The following CLNK variants were observed in gnomAD, a reference collection of about 807,000 sequenced individuals.
The protein encoded by CLNK is cytokine-dependent hematopoietic cell linker.
A neutral mutation model predicts 68.6 loss-of-function variants in CLNK; 74 were observed. The ratio of observed to expected loss-of-function variants is 1.08; its 90% CI spans 0.89 to 1.31. The LOEUF (loss-of-function observed/expected upper bound fraction) is 1.31. Among genes scored for constraint, CLNK ranks in the 50% most tolerant of loss-of-function variants. The pLI is 0.00. For synonymous variants in CLNK, 198 were observed against 172.2 expected (o/e 1.15, Z -1.17); for missense variants, 553 against 515.3 (o/e 1.07, Z -0.71).
At chr4:10,596,428 C>G (rs1402595619) in intron 3 of CLNK, among the ~76,000 whole-genome samples, 3 of 152,306 alleles carry the variant, frequency 2.0e-5, no homozygotes, top group African/African-American at 7.2e-5. Flanking sequence ...AATCCTGATT[C>G]AATGGACTCA....
At chr4:10,638,853 T>A (rs945798966) in intron 2 of CLNK, among the ~76,000 whole-genome samples, 1 of 152,160 alleles carries the variant, frequency 6.6e-6, no homozygotes, top group African/African-American at 2.4e-5. Context: ...GCTGTCTTAT[T>A]TCTGTGTTTT....
intron 2 of CLNK, among the ~76,000 whole-genome samples, chr4:10,649,750 C>T (rs541179013): frequency 2.7e-5 from 4 of 150,480 alleles, no homozygotes; most frequent in African/African-American, 7.4e-5. Flanking sequence ...GTAAGGAAGG[C>T]CTGTTTTAAT....
At chr4:10,513,173 A>G (rs544106458) in intron 16 of CLNK, among the ~76,000 whole-genome samples, 108 of 149,910 alleles carry the variant, frequency 7.2e-4, no homozygotes, top group Non-Finnish European at 1.4e-3. Flanking sequence ...TGGTAAATAT[A>G]AAACACGTGT....
chr4:10,562,003 A>T (rs1243112222), intron 7 of CLNK, among the ~76,000 whole-genome samples: 1 of 152,066 alleles, frequency 6.6e-6, no homozygotes, highest in East Asian at 1.9e-4. Context: ...CCTCATGGAG[A>T]TGTCCTCTGT....
At chr4:10,500,948 A>G (rs1051554238) in intron 18 of CLNK, among the ~76,000 whole-genome samples, 5 of 152,216 alleles carry the variant, frequency 3.3e-5, no homozygotes, top group Non-Finnish European at 7.3e-5. Flanking sequence ...GAGGAGGGAA[A>G]GGAATTTGGC....
At chr4:10,641,436 C>G (rs768151248) in intron 2 of CLNK, among the ~76,000 whole-genome samples, 8 of 152,140 alleles carry the variant, frequency 5.3e-5, no homozygotes, top group African/African-American at 9.7e-5. Flanking sequence ...GAAGGGTAAA[C>G]TGCAGAAAAT....
At chr4:10,593,341 C>T (rs1470512472) in intron 3 of CLNK, among the ~76,000 whole-genome samples, 1 of 152,012 alleles carries the variant, frequency 6.6e-6, no homozygotes, top group Non-Finnish European at 1.5e-5. Context: ...CAGTAGAGGG[C>T]CTCCTAATTC....
intron 17 of CLNK, among the ~76,000 whole-genome samples, chr4:10,505,826 A>T (rs1717267922): frequency 1.3e-5 from 2 of 152,200 alleles, no homozygotes; most frequent in African/African-American, 2.4e-5. Context: ...TGAAGGTGAC[A>T]TATTCATAGG....
chr4:10,640,769 T>A (rs1227427363), intron 2 of CLNK, among the ~76,000 whole-genome samples: 1 of 152,224 alleles, frequency 6.6e-6, no homozygotes, highest in Non-Finnish European at 1.5e-5. Flanking sequence ...CACCGCAGGC[T>A]TCTGCTTCCT....
At chr4:10,679,064 C>T (rs1724985500) in intron 1 of CLNK, among the ~76,000 whole-genome samples, 1 of 152,178 alleles carries the variant, frequency 6.6e-6, no homozygotes, top group Admixed American at 6.5e-5. Context: ...CCAACTCAAT[C>T]CTAAGCCTAA....
intron 14 of CLNK, among the ~76,000 whole-genome samples, chr4:10,525,302 T>C (rs1718262491): frequency 6.6e-6 from 1 of 152,164 alleles, no homozygotes. Flanking sequence ...CCTGACCTCA[T>C]GATCCACCTG....
intron 2 of CLNK, among the ~76,000 whole-genome samples, chr4:10,665,351 C>T (rs958195643): frequency 1.3e-5 from 2 of 152,146 alleles, no homozygotes; most frequent in Non-Finnish European, 2.9e-5. Context: ...AGAAGAGGCC[C>T]TTGGCATAGG....
intron 4 of CLNK, among the ~76,000 whole-genome samples, chr4:10,573,953 C>G (rs965271573): frequency 1.3e-5 from 2 of 152,172 alleles, no homozygotes; most frequent in Non-Finnish European, 2.9e-5. Flanking sequence ...CAGGCCACAT[C>G]AATCTCACTG....
intron 2 of CLNK, among the ~76,000 whole-genome samples, chr4:10,639,477 C>A (rs1328787832): frequency 6.6e-6 from 1 of 152,136 alleles, no homozygotes; most frequent in African/African-American, 2.4e-5. Flanking sequence ...CATGAGACAC[C>A]CCTATGAGAG....
intron 8 of CLNK, among the ~76,000 whole-genome samples, chr4:10,550,732 C>A (rs1719414991): frequency 6.6e-6 from 1 of 152,114 alleles, no homozygotes; most frequent in Admixed American, 6.5e-5. Context: ...ATAGAAGATT[C>A]ATTTTTATTG....
At chr4:10,501,522 T>G (rs1206321781) in intron 17 of CLNK, 111 bp from the exon 18 acceptor site, 1 of 1,086,554 alleles carries the variant, frequency 9.2e-7, no homozygotes, top group Non-Finnish European at 1.3e-6. Context: ...GATTTAGTTT[T>G]TGGTAAACCA....
At chr4:10,567,757 G>A (rs1219613373) in intron 5 of CLNK, among the ~76,000 whole-genome samples, 2 of 152,116 alleles carry the variant, frequency 1.3e-5, no homozygotes, top group Non-Finnish European at 2.9e-5. Flanking sequence ...TTTAAAGTGG[G>A]AAAAGGATAT....
the CLNK span, among the ~76,000 whole-genome samples, chr4:10,724,896 C>G: frequency 6.6e-6 from 1 of 151,938 alleles, no homozygotes; most frequent in Non-Finnish European, 1.5e-5. Context: ...GAAGAGAAAG[C>G]CTATTTAATC....
intron 15 of CLNK, among the ~76,000 whole-genome samples, chr4:10,515,292 A>T (rs1200525392): frequency 2.6e-5 from 4 of 151,964 alleles, no homozygotes; most frequent in African/African-American, 7.3e-5. Flanking sequence ...AATGTAAATG[A>T]TTTCCTTCTG....
Sources: gnomAD v4.1 joint callset for allele counts (sites outside exome capture counted in the v4.1 genomes callset) on GRCh38, gnomAD v4.1.1 for gene constraint, MANE v1.5 for transcripts, NCBI Gene and HGNC (gene_info 2026-07-23, HGNC 2026-07-21) for gene names.